Variants in PALD1 observed in about 807,000 individuals in gnomAD.
PALD1 encodes paladin.
In PALD1, 57 loss-of-function variants were observed where a neutral mutation model predicts 96.0. The observed-to-expected ratio is 0.59, with a 90% CI of 0.48 to 0.74. The LOEUF (loss-of-function observed/expected upper bound fraction) is 0.74. Ranked by LOEUF, PALD1 falls within the 30% of genes least tolerant of loss-of-function variation. The pLI, the probability that PALD1 is intolerant of heterozygous loss-of-function variation, is 0.00. For synonymous variants in PALD1, 464 were observed against 473.6 expected (o/e 0.98, Z 0.26); for missense variants, 1,063 against 1,143.7 (o/e 0.93, Z 1.02).
chr10:70,547,263 C>T (rs776351345), intron 17 of PALD1, 43 bp from the exon 18 acceptor site: 58 of 1,602,036 alleles, frequency 3.6e-5, no homozygotes, highest in South Asian at 6.6e-5. Context: ...GCTGAGGGCT[C>T]TTACCAGTTT....
the PALD1 span, among the ~76,000 whole-genome samples, chr10:70,463,669 C>CA: frequency 2.5e-4 from 37 of 150,882 alleles, no homozygotes; most frequent in African/African-American, 6.1e-4. Flanking sequence ...AACAAACAGG[C>CA]AAAAAAAACC....
At chr10:70,565,885 C>A (rs1307047457) in intron 19 of PALD1, among the ~76,000 whole-genome samples, 2 of 152,120 alleles carry the variant, frequency 1.3e-5, no homozygotes, top group Admixed American at 6.5e-5. Context: ...ATCCCCTCCC[C>A]AGCTGAATCC....
chr10:70,485,108 T>A (rs985134338), intron 1 of PALD1, among the ~76,000 whole-genome samples: 2 of 152,236 alleles, frequency 1.3e-5, no homozygotes, highest in African/African-American at 4.8e-5. Context: ...AAAACCACCA[T>A]GTTTTTGAAA....
At chr10:70,550,096 A>C (rs565403408) in intron 18 of PALD1, among the ~76,000 whole-genome samples, 1 of 152,348 alleles carries the variant, frequency 6.6e-6, no homozygotes, top group South Asian at 2.1e-4. Context: ...ACTGAAGAGC[A>C]GAGGGACTGA....
upstream of PALD1, among the ~76,000 whole-genome samples, chr10:70,478,276 C>G (rs945251174): frequency 6.6e-6 from 1 of 152,220 alleles, no homozygotes; most frequent in African/African-American, 2.4e-5. Context: ...GCAGAGCGCA[C>G]CATCATCCAG....
the PALD1 span, among the ~76,000 whole-genome samples, chr10:70,472,989 G>A: frequency 6.6e-6 from 1 of 152,178 alleles, no homozygotes; most frequent in Non-Finnish European, 1.5e-5. Context: ...TTACAGATGT[G>A]GAAACTGAGG....
chr10:70,533,114 C>G (rs754789380), intron 7 of PALD1, 44 bp downstream of exon 7: 1 of 1,504,574 alleles, frequency 6.6e-7, no homozygotes, highest in East Asian at 2.4e-5. Flanking sequence ...TCTTGAGAGT[C>G]GTCCCCATGG....
intron 19 of PALD1, among the ~76,000 whole-genome samples, chr10:70,565,786 G>T (rs1343080678): frequency 6.6e-6 from 1 of 152,180 alleles, no homozygotes; most frequent in Non-Finnish European, 1.5e-5. Flanking sequence ...CTGGGGAGGG[G>T]TGGAGGTGGA....
Position 70,533,946 on chromosome 10 carries a change from C to A in PALD1, c.895C>A (p.Arg299Ser), listed in dbSNP as rs144523160. The change falls in exon 8 of 20, where the codon CGT (arginine) becomes AGT (serine). Residue 299 changes from arginine (R) to serine (S), a missense_variant. Transcript: ENST00000263563. ...LRETPSLLQL[R>S]DAHGPPPALV... ...GGAGACCCCCAGCCTGCTGCAGCTC[C>A]GTGATGCCCACGGGCCTCCCCCAGC... 1 of 1,607,362 alleles carries A rather than the reference C, an allele frequency of 6.2e-7. No individual in the cohort carries two copies. Among genetic ancestry groups the A allele is most frequent in the African/African-American group, 1.3e-5 (1 of 74,662 alleles).
chr10:70,465,634 C>T, the PALD1 span, among the ~76,000 whole-genome samples: 25 of 152,160 alleles, frequency 1.6e-4, no homozygotes, highest in African/African-American at 6.0e-4. Context: ...AGTCAGGACT[C>T]AGGCGGGCCA....
chr10:70,505,167 TCA>T (rs1846360760), intron 1 of PALD1, among the ~76,000 whole-genome samples: 1 of 152,240 alleles, frequency 6.6e-6, no homozygotes, highest in South Asian at 2.1e-4. Context: ...GCTTTTGAAC[TCA>T]CAGTGGGTGA....
At chr10:70,508,818 TG>T in intron 1 of PALD1, among the ~76,000 whole-genome samples, 1 of 117,086 alleles carries the variant, frequency 8.5e-6, no homozygotes, top group African/African-American at 3.6e-5. Flanking sequence ...TGTGTGTGTG[TG>T]CAGGCCTGTG....
intron 1 of PALD1, among the ~76,000 whole-genome samples, chr10:70,522,662 A>G (rs757214661): frequency 3.3e-4 from 50 of 152,160 alleles, no homozygotes; most frequent in Non-Finnish European, 5.6e-4. Flanking sequence ...TTCACCAACT[A>G]TGCAGGGACA....
chr10:70,534,009 A>T lies in PALD1; in HGVS notation c.958A>T (p.Asn320Tyr). 2 of 1,613,326 alleles carry T rather than the reference A, an allele frequency of 1.2e-6. No homozygotes were observed. The highest frequency in any genetic ancestry group is 1.7e-6 in the Non-Finnish European group (2 of 1,179,642). The change falls in exon 8 of 20, where the codon AAC becomes TAC. Residue 320 changes from asparagine to tyrosine, a missense_variant. By Grantham distance (143) the Asn-to-Tyr change is moderately radical. Coordinates refer to ENST00000263563, the MANE Select transcript of PALD1 (RefSeq NM_014431.3). Reference protein sequence around the residue: ...FSCQMGVGRTNLGMVLGTLIL... With the variant: ...FSCQMGVGRTYLGMVLGTLIL... ...CTGCCAGATGGGCGTGGGCAGGACC[A>T]ACCTGGGCATGGTCCTGGGCACCCT...
upstream of PALD1, among the ~76,000 whole-genome samples, chr10:70,477,891 C>G (rs1438417623): frequency 7.7e-6 from 1 of 130,288 alleles, no homozygotes; most frequent in Non-Finnish European, 1.7e-5. Context: ...CCAACCACAA[C>G]AAAGCCTATC....
chr10:70,520,139 A>C (rs1846700406), intron 1 of PALD1, among the ~76,000 whole-genome samples: 1 of 152,030 alleles, frequency 6.6e-6, no homozygotes, highest in Non-Finnish European at 1.5e-5. Flanking sequence ...GGGCAGGAAA[A>C]AGGGACGGGG....
intron 18 of PALD1, among the ~76,000 whole-genome samples, chr10:70,554,565 G>A (rs1031964520): frequency 2.0e-5 from 3 of 152,186 alleles, no homozygotes; most frequent in Non-Finnish European, 4.4e-5. Flanking sequence ...ATGGCCGCCA[G>A]CCCAGGGCGG....
intron 18 of PALD1, among the ~76,000 whole-genome samples, chr10:70,559,108 C>T (rs1323870004): frequency 2.0e-5 from 3 of 152,148 alleles, no homozygotes; most frequent in Non-Finnish European, 4.4e-5. Context: ...GCCAGCCTTA[C>T]CCCTTTCCCT....
the PALD1 span, among the ~76,000 whole-genome samples, chr10:70,470,137 T>C: frequency 2.6e-5 from 4 of 152,204 alleles, no homozygotes; most frequent in African/African-American, 7.2e-5. Context: ...TCCATCGTAT[T>C]CTGATGGCAG....
Sources: allele counts gnomAD v4.1 joint callset (sites outside exome capture counted in the v4.1 genomes callset), GRCh38; gene constraint gnomAD v4.1.1; transcripts MANE v1.5; gene names NCBI Gene and HGNC (gene_info 2026-07-23, HGNC 2026-07-21).